MGAT5B: variants seen among roughly 807,000 people sequenced by gnomAD.
MGAT5B encodes the protein N-acetylglucosaminyl-transferase Vb.
In MGAT5B, 54 loss-of-function variants were observed where a neutral mutation model predicts 95.1. The observed-to-expected ratio is 0.57, with a 90% CI of 0.46 to 0.71. The LOEUF (loss-of-function observed/expected upper bound fraction) is 0.71, where lower values mean the gene tolerates loss of function less well. MGAT5B is among the 30% of genes least tolerant of loss of function. The pLI is 0.00. For missense variants in MGAT5B, 935 were observed against 1,088.6 expected (o/e 0.86, Z 1.99); for synonymous variants, 464 against 451.0 (o/e 1.03, Z -0.36).
At chr17:76,894,854 A>G (rs1968008405) in intron 3 of MGAT5B, among the ~76,000 whole-genome samples, 1 of 149,538 alleles carries the variant, frequency 6.7e-6, no homozygotes, top group Non-Finnish European at 1.5e-5. Context: ...CTCTGTCTCA[A>G]AAAAAAAAAA....
At chr17:76,943,624 G>C (rs75186947) in intron 15 of MGAT5B, among the ~76,000 whole-genome samples, 6 of 103,656 alleles carry the variant, frequency 5.8e-5, no homozygotes, top group East Asian at 2.9e-4. Context: ...GGGGTGGGGT[G>C]GGGGGGGGGT....
At chr17:76,945,086 A>G (rs1969992786) in intron 15 of MGAT5B, among the ~76,000 whole-genome samples, 1 of 152,016 alleles carries the variant, frequency 6.6e-6, no homozygotes, top group South Asian at 2.1e-4. Context: ...CTTTCAGGTC[A>G]GTGATTTTCT....
Position 76,876,884 on chromosome 17 carries a change from C to G in MGAT5B, c.181+3921C>G, listed in dbSNP as rs79818386. On this transcript the variant is annotated intron_variant, in intron 2 of 17. Transcript: ENST00000569840. ...CTGGGGAGGGCTTTCCGGCATTGCC[C>G]CCTCCCAGGCAGCTCTGCCCCACTT... 2.8e-3 allele frequency among the ~76,000 whole-genome samples: 433 copies of G among 152,294 alleles called. 5 individuals carry two copies. Among genetic ancestry groups the G allele is most frequent in the African/African-American group, 9.9e-3 (411 of 41,572 alleles).
At chr17:76,933,220 T>A (rs1969551354) in intron 11 of MGAT5B, 72 bp from the exon 12 acceptor site, 2 of 1,589,172 alleles carry the variant, frequency 1.3e-6, no homozygotes, top group Non-Finnish European at 1.7e-6. Context: ...CTGCATGGGG[T>A]GTTGTCTGCG....
Position 76,940,989 on chromosome 17 carries a change from C to T in MGAT5B, c.1848+141C>T. 1 of 645,328 alleles carries T rather than the reference C, an allele frequency of 1.5e-6. No homozygotes were observed. The highest frequency in any genetic ancestry group is 2.7e-6 in the Non-Finnish European group (1 of 364,152). 40.0% of individuals were successfully genotyped at this position (645,328 alleles called of 1,614,324 possible). On this transcript the variant is annotated intron_variant, in intron 15 of 17. Coordinates refer to ENST00000569840, the MANE Select transcript of MGAT5B (RefSeq NM_001199172.2). The surrounding 1 kb of genome is among the most constrained non-coding windows in gnomAD (Gnocchi z 4.3). ...CAAAGGTGTCCATCCCTCCCCTGGT[C>T]AGACACAGCCCTGAGCCAGGGCATG...
At chr17:76,932,578 C>A (rs1969526545) in intron 10 of MGAT5B, 67 bp from the exon 11 acceptor site, 3 of 1,597,366 alleles carry the variant, frequency 1.9e-6, no homozygotes, top group Admixed American at 1.7e-5. Context: ...GCGGGGCAGT[C>A]CAGGGAGGCC....
chr17:76,924,597 C>T (rs748877724), intron 8 of MGAT5B, among the ~76,000 whole-genome samples: 12 of 152,304 alleles, frequency 7.9e-5, no homozygotes, highest in East Asian at 5.8e-4. Flanking sequence ...CACGTAGCTG[C>T]GCTGAGGACT....
At chr17:76,928,453 T>C (rs545277334) in intron 10 of MGAT5B, among the ~76,000 whole-genome samples, 32 of 152,120 alleles carry the variant, frequency 2.1e-4, no homozygotes, top group Non-Finnish European at 3.7e-4. Context: ...ACACCTGTAA[T>C]CCCAGCACTT....
At chr17:76,919,266 TCCC>T (rs1969045314) in intron 8 of MGAT5B, among the ~76,000 whole-genome samples, 1 of 152,166 alleles carries the variant, frequency 6.6e-6, no homozygotes. Flanking sequence ...AGCCAGTCCT[TCCC>T]TGGATATTTA....
chr17:76,935,905 TTA>T (rs1001299702), intron 12 of MGAT5B, among the ~76,000 whole-genome samples: 109 of 121,712 alleles, frequency 9.0e-4, no homozygotes, highest in Non-Finnish European at 1.5e-3. Context: ...TATATATACA[TTA>T]TATATATTAT....
intron 11 of MGAT5B, 64 bp downstream of exon 11, chr17:76,932,839 C>T (rs77352627): frequency 0.18 from 278,782 of 1,581,354 alleles, 26,333 homozygotes; most frequent in East Asian, 0.38. Context: ...GCCTGGGTCC[C>T]GCATCTCCTC....
chr17:76,872,982 G>T lies in MGAT5B; in HGVS notation c.181+19G>T. On this transcript the variant is annotated intron_variant, in intron 2 of 17. Coordinates refer to ENST00000569840, the MANE Select transcript of MGAT5B (RefSeq NM_001199172.2). ...ACAGAAGGTACCTTGGTGGGGCAAG[G>T]GGAGTGTGAGATGAGTGAGGGCGTT... The T allele has an allele frequency of 6.2e-7, 1 of 1,611,828 alleles. No homozygotes were observed.
intron 12 of MGAT5B, among the ~76,000 whole-genome samples, chr17:76,936,643 C>A (rs373789960): frequency 6.6e-6 from 1 of 152,114 alleles, no homozygotes; most frequent in Non-Finnish European, 1.5e-5. Context: ...GTAAAAAGTT[C>A]TTTTACGTTT....
rs1280888469 is a variant in MGAT5B at position 76,938,386 on chromosome 17, C to T, written c.1584+243C>T. 6.6e-6 allele frequency among the ~76,000 whole-genome samples: 1 copy of T among 152,210 alleles called. No individual in the cohort carries two copies. The highest frequency in any genetic ancestry group is 2.4e-5 in the African/African-American group (1 of 41,448). On this transcript the variant is annotated intron_variant, in intron 13 of 17. Transcript: ENST00000569840. This position sits in a 1 kb window ranked among gnomAD's most constrained non-coding sequence, Gnocchi z 4.3. ...CCAGCAGAGCAGCAGAGCCGTGGCT[C>T]AGTGATGGGGAAGTAGAGTTGGACT... is the stretch of plus-strand genomic sequence containing the variant.
Position 76,940,907 on chromosome 17 carries a change from C to G in MGAT5B, c.1848+59C>G. On this transcript the variant is annotated intron_variant, in intron 15 of 17. Coordinates refer to ENST00000569840, the MANE Select transcript of MGAT5B (RefSeq NM_001199172.2). This position sits in a 1 kb window ranked among gnomAD's most constrained non-coding sequence, Gnocchi z 4.3. ...CTAGTCCACACTGCTGGTCTTCACT[C>G]TGATTAGAAAACGGTGCCCCCCTCT... 6.9e-7 allele frequency: 1 copy of G among 1,440,314 alleles called. No individual in the cohort carries two copies. The highest frequency in any genetic ancestry group is 1.4e-5 in the African/African-American group (1 of 71,630). 89.2% of individuals were successfully genotyped at this position (1,440,314 alleles called of 1,614,324 possible). A position where few individuals can be genotyped will look rare whatever the true frequency, so the allele number is the denominator to read the frequency against.
chr17:76,887,116 C>G (rs1212531165), intron 3 of MGAT5B, among the ~76,000 whole-genome samples: 1 of 152,178 alleles, frequency 6.6e-6, no homozygotes, highest in Non-Finnish European at 1.5e-5. Flanking sequence ...CGCTGTAGCC[C>G]TGGATGCTGC....
rs899452728 is a variant in MGAT5B, at chr17:76,930,586, C to T, written c.1292-2059C>T. ...GGCAGGGCTCGTGTGCCTGCAGATT[C>T]GTAGGTCTCATGTTCCTCTTAACCC... On this transcript the variant is annotated intron_variant, in intron 10 of 17. Coordinates refer to ENST00000569840, the MANE Select transcript of MGAT5B (RefSeq NM_001199172.2). This position sits in a 1 kb window ranked among gnomAD's most constrained non-coding sequence, Gnocchi z 4.1. 7.9e-5 allele frequency among the ~76,000 whole-genome samples: 12 copies of T among 152,144 alleles called. No homozygotes were observed. Among genetic ancestry groups the T allele is most frequent in the African/African-American group, 2.4e-4 (10 of 41,426 alleles).
At position 76,889,501 on chromosome 17, in the gene MGAT5B, C is replaced by T. The variant is rs976124081; in HGVS notation, c.329+7203C>T. Among the ~76,000 whole-genome samples the T allele has an allele frequency of 6.6e-6, 1 of 152,142 alleles. No homozygotes were observed. The highest frequency in any genetic ancestry group is 1.5e-5 in the Non-Finnish European group (1 of 68,016). ...TCTCGGGCCACCGTGGGTACCTTCA[C>T]TGGGAGAGAGGCGTGTGGTTGGCAG... On this transcript the variant is annotated intron_variant, in intron 3 of 17. Coordinates refer to ENST00000569840, the MANE Select transcript of MGAT5B (RefSeq NM_001199172.2). The surrounding 1 kb of genome is among the most constrained non-coding windows in gnomAD (Gnocchi z 4.4).
intron 12 of MGAT5B, among the ~76,000 whole-genome samples, chr17:76,935,572 A>T (rs970285240): frequency 7.3e-5 from 10 of 136,894 alleles, no homozygotes; most frequent in Non-Finnish European, 1.3e-4. Context: ...AATGATGAAG[A>T]TATTTTTGTG....
Sources: gnomAD v4.1 joint callset for allele counts (sites outside exome capture counted in the v4.1 genomes callset) on GRCh38, gnomAD v4.1.1 for gene constraint, Gnocchi (gnomAD v3.1) non-coding constraint, MANE v1.5 for transcripts, NCBI Gene and HGNC (gene_info 2026-07-23, HGNC 2026-07-21) for gene names.